EIF4E3: variants seen among roughly 807,000 people sequenced by gnomAD.
EIF4E3 encodes the protein eukaryotic translation initiation factor 4E type 3.
In EIF4E3, 26 loss-of-function variants were observed where a neutral mutation model predicts 31.7. The observed-to-expected ratio is 0.82, with a 90% CI of 0.60 to 1.14. The LOEUF (loss-of-function observed/expected upper bound fraction) is 1.14, where lower values mean the gene tolerates loss of function less well. Ranked by LOEUF, EIF4E3 falls within the 50% of genes most tolerant of loss-of-function variation. The probability of loss-of-function intolerance (pLI) is 0.00; values close to 1 mark genes in which losing one functional copy is unlikely to be tolerated. For missense variants in EIF4E3, 304 were observed against 270.9 expected (o/e 1.12, Z -0.86); for synonymous variants, 128 against 107.7 (o/e 1.19, Z -1.17).
chr3:71,697,380 C>G (rs540942348), intron 3 of EIF4E3, among the ~76,000 whole-genome samples: 18 of 152,174 alleles, frequency 1.2e-4, no homozygotes, highest in Non-Finnish European at 2.4e-4. Context: ...GGTATTTAGG[C>G]TATCTATCCA....
chr3:71,714,647 T>C (rs1284892733), intron 1 of EIF4E3, among the ~76,000 whole-genome samples: 1 of 152,170 alleles, frequency 6.6e-6, no homozygotes, highest in Non-Finnish European at 1.5e-5. Flanking sequence ...CCAAGCAAAA[T>C]TGGGCCGTAT....
At chr3:71,721,744 G>A (rs1338054791) in intron 1 of EIF4E3, among the ~76,000 whole-genome samples, 2 of 152,138 alleles carry the variant, frequency 1.3e-5, no homozygotes, top group African/African-American at 4.8e-5. Flanking sequence ...ACAGCAACGT[G>A]GAACTGTGAG....
chr3:71,666,669 G>A, the EIF4E3 span, among the ~76,000 whole-genome samples: 1 of 152,226 alleles, frequency 6.6e-6, no homozygotes, highest in African/African-American at 2.4e-5. Flanking sequence ...CAGCACGGTG[G>A]CTCCTGCCTG....
At chr3:71,740,625 T>C (rs2108150401) in intron 1 of EIF4E3, among the ~76,000 whole-genome samples, 1 of 152,194 alleles carries the variant, frequency 6.6e-6, no homozygotes, top group Middle Eastern at 3.4e-3. Context: ...TCCCAGCTAC[T>C]TGGGAGGCTA....
Position 71,684,698 on chromosome 3 carries a change from C to G in EIF4E3, c.659G>C (p.Gly220Ala), listed in dbSNP as rs1385150083. 1 of 1,613,552 alleles carries G rather than the reference C, an allele frequency of 6.2e-7. No homozygotes were observed. Among genetic ancestry groups the G allele is most frequent in the African/African-American group, 1.3e-5 (1 of 74,746 alleles). ...AGAGTGCAATTAGTGTTTTCCACGT[C>G]CACCTTCAAAAGCATGATGCTCTTC... The part of the protein sequence containing the change: ...PHEEHHAFEG[G>A]RGKH Residue 220 changes from glycine (G) to alanine (A), a missense_variant, in exon 7 of 7, where the codon GGA (glycine) becomes GCA (alanine). Physicochemically the swap from Gly to Ala is moderately conservative, Grantham distance 60 (BLOSUM62 0). Coordinates refer to ENST00000425534, the MANE Select transcript of EIF4E3 (RefSeq NM_001134651.2).
intron 1 of EIF4E3, among the ~76,000 whole-genome samples, chr3:71,735,154 T>A (rs1261346194): frequency 1.3e-5 from 2 of 152,192 alleles, no homozygotes; most frequent in African/African-American, 4.8e-5. Context: ...TAGGTGTTCA[T>A]CTCATCTAAA....
chr3:71,725,263 C>T lies in EIF4E3; in HGVS notation c.105G>A (p.Gln35=), dbSNP rs1203025851. The T allele has an allele frequency of 9.6e-7, 1 of 1,044,178 alleles. No individual in the cohort carries two copies. The highest frequency in any genetic ancestry group is 1.1e-6 in the Non-Finnish European group (1 of 869,994). 64.7% of individuals were successfully genotyped at this position (1,044,178 alleles called of 1,614,324 possible). ...GCTCAGGCTGCAGCGCCGACAGCTG[C>T]TGCAGGCCGAGCGGCGGCTCGGGGG... ...AAAPEPPLGL[Q]QLSALQPEPG... Residue 35 remains glutamine, a synonymous_variant, in exon 1 of 7, where the codon CAG becomes CAA. Coordinates refer to ENST00000425534, the MANE Select transcript of EIF4E3 (RefSeq NM_001134651.2). This position sits in a 1 kb window ranked among gnomAD's most constrained non-coding sequence, Gnocchi z 6.1.
intron 2 of EIF4E3, among the ~76,000 whole-genome samples, chr3:71,706,730 G>T (rs2049298519): frequency 6.6e-6 from 1 of 152,128 alleles, no homozygotes; most frequent in Admixed American, 6.5e-5. Context: ...GGCTGGGGTG[G>T]GAGGATCTCT....
chr3:71,691,331 A>G (rs1432516851), intron 5 of EIF4E3, among the ~76,000 whole-genome samples: 1 of 152,232 alleles, frequency 6.6e-6, no homozygotes, highest in Non-Finnish European at 1.5e-5. Flanking sequence ...TTAAATAAAA[A>G]CATATCCAAT....
rs1049508336 is a variant in EIF4E3, at chr3:71,725,003, C to T, written c.176+189G>A. Among the ~76,000 whole-genome samples, 39 of 152,186 alleles carry T rather than the reference C, an allele frequency of 2.6e-4. 1 individual carries two copies. The highest frequency in any genetic ancestry group is 5.9e-5 in the Non-Finnish European group (4 of 67,966). The stretch of plus-strand genomic sequence containing the variant: ...GGAGGCGAGGACGCCGAACAGCCGC[C>T]CGGCGCGGCCCGAAGCTGGCTTCCG... On this transcript the variant is annotated intron_variant, in intron 1 of 6. Coordinates refer to ENST00000425534, the MANE Select transcript of EIF4E3 (RefSeq NM_001134651.2). The surrounding 1 kb of genome is among the most constrained non-coding windows in gnomAD (Gnocchi z 6.1).
intron 1 of EIF4E3, among the ~76,000 whole-genome samples, chr3:71,715,442 C>T (rs952233543): frequency 3.3e-5 from 5 of 152,236 alleles, no homozygotes; most frequent in African/African-American, 1.2e-4. Flanking sequence ...CCCAGGCTCC[C>T]AAAGACAAAG....
At chr3:71,674,857 AG>A (rs1235262081), downstream of EIF4E3, among the ~76,000 whole-genome samples, 1 of 152,222 alleles carries the variant, frequency 6.6e-6, no homozygotes, top group African/African-American at 2.4e-5. Flanking sequence ...CCTTCTAAAA[AG>A]GAGGAAACTG....
downstream of EIF4E3, among the ~76,000 whole-genome samples, chr3:71,671,001 A>C (rs2048844664): frequency 1.3e-5 from 2 of 152,116 alleles, no homozygotes; most frequent in African/African-American, 4.8e-5. Context: ...GGGTTTCCTA[A>C]GATGGGATCT....
chr3:71,754,565 C>T, upstream of EIF4E3: 1 of 1,395,042 alleles, frequency 7.2e-7, no homozygotes, highest in African/African-American at 1.5e-5. The surrounding 1 kb of genome is among the most constrained non-coding windows in gnomAD (Gnocchi z 5.8). Context: ...CGCCGTGCGC[C>T]CTGGAGCAGC....
chr3:71,678,507 AT>A lies in EIF4E3; in HGVS notation c.*6174del, dbSNP rs1440765387. 1 of 152,220 alleles carries A rather than the reference AT, an allele frequency of 6.6e-6. No homozygotes were observed. The highest frequency in any genetic ancestry group is 1.9e-4 in the East Asian group (1 of 5,202). 9.4% of individuals were successfully genotyped at this position (152,220 alleles called of 1,614,324 possible). On this transcript the variant is annotated 3_prime_UTR_variant, in exon 7 of 7. Transcript: ENST00000425534. ...TACCTTATTGCTGCAAAAGGCTGGA[AT>A]AAAAAATACTGACTTATAGAAGCAA...
At chr3:71,721,255 C>T (rs1429397752) in intron 1 of EIF4E3, among the ~76,000 whole-genome samples, 1 of 152,214 alleles carries the variant, frequency 6.6e-6, no homozygotes, top group Non-Finnish European at 1.5e-5. Flanking sequence ...TCAGTGCGGA[C>T]TGACTTGTGC....
downstream of EIF4E3, among the ~76,000 whole-genome samples, chr3:71,671,954 A>C (rs1217165726): frequency 6.6e-6 from 1 of 152,190 alleles, no homozygotes; most frequent in Non-Finnish European, 1.5e-5. Context: ...GATGCTCCGC[A>C]GAACAGGAGG....
chr3:71,706,773 T>A (rs1371488917), intron 2 of EIF4E3, among the ~76,000 whole-genome samples: 2 of 152,086 alleles, frequency 1.3e-5, no homozygotes, highest in African/African-American at 4.8e-5. Flanking sequence ...CAGTGAGCTA[T>A]AATAGCACCA....
In EIF4E3 at chr3:71,722,852, CCTT is replaced by C. The variant is rs1261082366; in HGVS notation, c.176+2337_176+2339del. Among the ~76,000 whole-genome samples, 9 of 152,232 alleles carry C rather than the reference CCTT, an allele frequency of 5.9e-5. No homozygotes were observed. In the East Asian group the frequency reaches 1.5e-3, roughly 26 times the overall value. Reference sequence around the variant, plus strand: ...GTTAGTAGTTTATGCTTAGGAAGCTCCTTCTACCAGCTGGCACCTGTTAGGTGT... The same window carrying C: ...GTTAGTAGTTTATGCTTAGGAAGCTCCTACCAGCTGGCACCTGTTAGGTGT... On this transcript the variant is annotated intron_variant, in intron 1 of 6. Transcript: ENST00000425534.
Sources: gnomAD v4.1 joint callset for allele counts (sites outside exome capture counted in the v4.1 genomes callset) on GRCh38, gnomAD v4.1.1 for gene constraint, Gnocchi (gnomAD v3.1) non-coding constraint, MANE v1.5 for transcripts, NCBI Gene and HGNC (gene_info 2026-07-23, HGNC 2026-07-21) for gene names.